CAMSAP2: variants seen among roughly 807,000 people sequenced by gnomAD.
The protein encoded by CAMSAP2 is calmodulin-regulated spectrin-associated protein 2.
CAMSAP2 carries 26 observed loss-of-function variants against 146.1 expected under a neutral mutation model. The ratio of observed to expected loss-of-function variants is 0.18; its 90% CI spans 0.13 to 0.25. The LOEUF (loss-of-function observed/expected upper bound fraction) is 0.25, where lower values mean the gene tolerates loss of function less well. Ranked by LOEUF, CAMSAP2 falls within the 10% of genes least tolerant of loss-of-function variation. The probability of loss-of-function intolerance (pLI) is 1.00; values close to 1 mark genes in which losing one functional copy is unlikely to be tolerated. For synonymous variants in CAMSAP2, 499 were observed against 596.6 expected, an observed-to-expected ratio of 0.84 and a Z score of 2.38; for missense variants, 1,381 against 1,759.3, an observed-to-expected ratio of 0.78 and a Z score of 3.85.
Position 200,739,863 on chromosome 1 carries a change from G to A in CAMSAP2, c.36G>A (p.Lys12=). The A allele has an allele frequency of 1.2e-6, 2 of 1,614,172 alleles. No homozygotes were observed. Among genetic ancestry groups the A allele is most frequent in the Non-Finnish European group, 1.7e-6 (2 of 1,180,026 alleles). The change falls in exon 1 of 17, where the codon AAG becomes AAA. Residue 12 remains lysine (K), a synonymous_variant. Transcript: ENST00000358823. The surrounding 1 kb of genome is among the most constrained non-coding windows in gnomAD (Gnocchi z 4.8). ...GDAADPREMR[K]TFIVPAIKPF... Reference sequence around the variant, plus strand: ...CTGCAGACCCCAGGGAGATGAGAAAGACGTTCATTGTTCCAGCCATCAAGC... The same window carrying A: ...CTGCAGACCCCAGGGAGATGAGAAAAACGTTCATTGTTCCAGCCATCAAGC...
chr1:200,783,462 C>G (rs1323420981), intron 2 of CAMSAP2, among the ~76,000 whole-genome samples: 1 of 152,060 alleles, frequency 6.6e-6, no homozygotes, highest in East Asian at 1.9e-4. Flanking sequence ...ATAGTTTCTC[C>G]TAATCTGTGG....
chr1:200,828,978 A>G (rs1224630291), intron 4 of CAMSAP2, among the ~76,000 whole-genome samples: 1 of 151,988 alleles, frequency 6.6e-6, no homozygotes, highest in African/African-American at 2.4e-5. Flanking sequence ...CAACATGGAA[A>G]AACCCCATCT....
intron 4 of CAMSAP2, among the ~76,000 whole-genome samples, chr1:200,822,424 A>G (rs1196563264): frequency 6.6e-6 from 1 of 152,044 alleles, no homozygotes; most frequent in Non-Finnish European, 1.5e-5. Flanking sequence ...TGGCCTTGAC[A>G]TTTTTAAAGA....
intron 6 of CAMSAP2, among the ~76,000 whole-genome samples, chr1:200,833,559 C>CAAA (rs1417615268): frequency 6.9e-6 from 1 of 144,750 alleles, no homozygotes; most frequent in Non-Finnish European, 1.5e-5. Flanking sequence ...GGCCCTGTCT[C>CAAA]AAAAAAAGAA....
At position 200,852,577 on chromosome 1, in the gene CAMSAP2, C is replaced by A; in HGVS notation, c.3502C>A (p.Arg1168=). 5 of 1,613,002 alleles carry A rather than the reference C, an allele frequency of 3.1e-6. No individual in the cohort carries two copies. Among genetic ancestry groups the A allele is most frequent in the Non-Finnish European group, 4.2e-6 (5 of 1,179,584 alleles). ...QKAENDMAMK[R]AALLEKRLRR... is the part of the protein sequence containing the mutation. ...AGCAGAAAATGATATGGCAATGAAA[C>A]GGGCAGCTTTGTTGGAGAAAAGATT... The change falls in exon 12 of 17, where the codon CGG becomes AGG. Residue 1168 remains arginine, a synonymous_variant. Transcript: ENST00000358823.
intron 2 of CAMSAP2, among the ~76,000 whole-genome samples, chr1:200,763,503 C>T (rs1171979281): frequency 6.6e-6 from 1 of 152,150 alleles, no homozygotes; most frequent in African/African-American, 2.4e-5. Flanking sequence ...TCCGCTACTG[C>T]ACTCCAGCCA....
chr1:200,857,706 A>G lies in CAMSAP2; in HGVS notation c.4132-48A>G. 1 of 1,428,706 alleles carries G rather than the reference A, an allele frequency of 7.0e-7. No homozygotes were observed. Among genetic ancestry groups the G allele is most frequent in the Non-Finnish European group, 9.5e-7 (1 of 1,054,836 alleles). 88.5% of individuals were successfully genotyped at this position (1,428,706 alleles called of 1,614,324 possible). A position where few individuals can be genotyped will look rare whatever the true frequency, so the allele number is the denominator to read the frequency against. On this transcript the variant is annotated intron_variant, in intron 16 of 16. Transcript: ENST00000358823. This position sits in a 1 kb window ranked among gnomAD's most constrained non-coding sequence, Gnocchi z 4.7. ...ATATAAACTTTATTCAGCAAAATAAAGGGTTTTTATTCGTGTTGTTATGTT... is the reference window on the plus strand; with the variant it reads ...ATATAAACTTTATTCAGCAAAATAAGGGGTTTTTATTCGTGTTGTTATGTT...
At chr1:200,747,834 A>T (rs930461884) in intron 1 of CAMSAP2, among the ~76,000 whole-genome samples, 2 of 152,004 alleles carry the variant, frequency 1.3e-5, no homozygotes, top group African/African-American at 2.4e-5. Context: ...AAAAATACAA[A>T]AAATTAGCCG....
chr1:200,828,472 A>T, intron 4 of CAMSAP2: 9 of 1,117,510 alleles, frequency 8.1e-6, no homozygotes, highest in Non-Finnish European at 1.2e-5. Context: ...TTGGAACTCC[A>T]CTATCAGAAG....
intron 1 of CAMSAP2, among the ~76,000 whole-genome samples, chr1:200,754,659 T>G (rs930375630): frequency 7.0e-6 from 1 of 143,500 alleles, no homozygotes; most frequent in Non-Finnish European, 1.5e-5. Flanking sequence ...CTCGGCTCAG[T>G]GCAAGCTCTG....
chr1:200,758,072 A>G (rs1159621203), intron 1 of CAMSAP2, among the ~76,000 whole-genome samples: 1 of 152,208 alleles, frequency 6.6e-6, no homozygotes, highest in Non-Finnish European at 1.5e-5. Context: ...TATCTGTAAA[A>G]TAAGGTAAGA....
chr1:200,757,523 T>C (rs1047850797), intron 1 of CAMSAP2, among the ~76,000 whole-genome samples: 1 of 152,216 alleles, frequency 6.6e-6, no homozygotes, highest in African/African-American at 2.4e-5. Flanking sequence ...CTTTTTGTGT[T>C]CTGGAGGTTA....
At chr1:200,820,301 C>T (rs1159384214) in intron 4 of CAMSAP2, among the ~76,000 whole-genome samples, 2 of 152,084 alleles carry the variant, frequency 1.3e-5, no homozygotes, top group Non-Finnish European at 2.9e-5. Flanking sequence ...AGGTGATCCC[C>T]CAGTTTGGCC....
intron 4 of CAMSAP2, chr1:200,828,721 T>C: frequency 6.0e-6 from 6 of 995,554 alleles, no homozygotes; most frequent in Non-Finnish European, 9.0e-6. Flanking sequence ...TGAATAGAGA[T>C]TGGATTTTAA....
chr1:200,789,983 T>C (rs369355054), intron 2 of CAMSAP2, among the ~76,000 whole-genome samples: 3 of 152,226 alleles, frequency 2.0e-5, no homozygotes, highest in Admixed American at 6.5e-5. Flanking sequence ...GTTTGGCTTT[T>C]GTATGTTAAC....
intron 4 of CAMSAP2, among the ~76,000 whole-genome samples, chr1:200,817,183 C>CATACACATATGTGTGTGTGTAT (rs1370112352): frequency 7.5e-5 from 5 of 66,326 alleles, no homozygotes; most frequent in African/African-American, 3.8e-4. Context: ...TATATACACA[C>CATACACATATGTGTGTGTGTAT]ACACACATGT....
intron 6 of CAMSAP2, among the ~76,000 whole-genome samples, chr1:200,833,555 G>A (rs960870697): frequency 2.7e-5 from 4 of 148,782 alleles, no homozygotes; most frequent in African/African-American, 1.0e-4. Context: ...GCCAGGCCCT[G>A]TCTCAAAAAA....
At chr1:200,844,898 C>T (rs1667421512) in intron 8 of CAMSAP2, 29 bp downstream of exon 8, 2 of 1,180,890 alleles carry the variant, frequency 1.7e-6, no homozygotes, top group African/African-American at 1.6e-5. Flanking sequence ...TTATTTTCAC[C>T]ATTTCTATTC....
At chr1:200,834,410 A>G (rs1667133062) in intron 6 of CAMSAP2, among the ~76,000 whole-genome samples, 1 of 152,102 alleles carries the variant, frequency 6.6e-6, no homozygotes, top group African/African-American at 2.4e-5. Flanking sequence ...ATTTTTGAAA[A>G]TCATTCCATT....
Sources: allele counts gnomAD v4.1 joint callset (sites outside exome capture counted in the v4.1 genomes callset), GRCh38; gene constraint gnomAD v4.1.1; non-coding constraint Gnocchi (gnomAD v3.1); transcripts MANE v1.5; gene names NCBI Gene and HGNC (gene_info 2026-07-23, HGNC 2026-07-21).